STX6: variants seen among roughly 807,000 people sequenced by gnomAD.
STX6 encodes syntaxin-6.
In STX6, 23 loss-of-function variants were observed where a neutral mutation model predicts 38.0. The observed-to-expected ratio is 0.60, with a 90% confidence interval of 0.43 to 0.86. The LOEUF is 0.86. STX6 is among the 40% of genes least tolerant of loss of function. The probability of loss-of-function intolerance (pLI) is 0.00; values close to 1 mark genes in which losing one functional copy is unlikely to be tolerated. For synonymous variants in STX6, 123 were observed against 107.5 expected, an observed-to-expected ratio of 1.14 and a Z score of -0.89; for missense variants, 274 against 312.9, an observed-to-expected ratio of 0.88 and a Z score of 0.94.
chr1:181,000,834 A>T (rs1656058992), intron 3 of STX6, among the ~76,000 whole-genome samples: 1 of 150,760 alleles, frequency 6.6e-6, no homozygotes, highest in Admixed American at 6.7e-5. Context: ...CCACTTAAAT[A>T]TTAACGTCTA....
chr1:181,009,138 A>G (rs138089126), intron 1 of STX6, among the ~76,000 whole-genome samples: 2 of 152,122 alleles, frequency 1.3e-5, no homozygotes, highest in Non-Finnish European at 2.9e-5. Context: ...CAGAATATAT[A>G]TTTTTTTAAA....
chr1:181,012,552 G>A (rs1251096448), intron 1 of STX6, among the ~76,000 whole-genome samples: 1 of 152,008 alleles, frequency 6.6e-6, no homozygotes, highest in Non-Finnish European at 1.5e-5. Context: ...AGGACCACTT[G>A]CAATGCAGAA....
intron 7 of STX6, among the ~76,000 whole-genome samples, chr1:180,977,291 GC>G (rs1655283051): frequency 6.6e-6 from 1 of 152,180 alleles, no homozygotes; most frequent in Non-Finnish European, 1.5e-5. Flanking sequence ...GGAACAGCAG[GC>G]ACAGGAAACA....
intron 1 of STX6, among the ~76,000 whole-genome samples, chr1:181,013,470 T>TAC (rs1656467982): frequency 6.6e-6 from 1 of 152,132 alleles, no homozygotes; most frequent in South Asian, 2.1e-4. Context: ...AGGTGCACAC[T>TAC]ACCACGCCAA....
chr1:181,002,550 T>C, intron 3 of STX6, 56 bp downstream of exon 3: 1 of 1,280,954 alleles, frequency 7.8e-7, no homozygotes, highest in South Asian at 1.3e-5. Flanking sequence ...GGGAAAGAGC[T>C]CTAAGAAGTC....
chr1:181,019,629 G>T (rs1329936622), intron 1 of STX6, among the ~76,000 whole-genome samples: 4 of 152,184 alleles, frequency 2.6e-5, no homozygotes, highest in Non-Finnish European at 5.9e-5. Context: ...GATCAGTGAG[G>T]TCAGGAAGTG....
chr1:181,003,896 C>T (rs1486566659), intron 2 of STX6, among the ~76,000 whole-genome samples: 1 of 152,192 alleles, frequency 6.6e-6, no homozygotes, highest in Non-Finnish European at 1.5e-5. Context: ...TTACTAAATG[C>T]AGTTTCATGG....
At chr1:181,013,796 C>T (rs1045199702) in intron 1 of STX6, among the ~76,000 whole-genome samples, 1 of 152,208 alleles carries the variant, frequency 6.6e-6, no homozygotes, top group Non-Finnish European at 1.5e-5. Flanking sequence ...AAATATTAAA[C>T]AGGCTGGGGC....
chr1:181,020,164 G>A (rs1454497760), intron 1 of STX6, among the ~76,000 whole-genome samples: 3 of 152,024 alleles, frequency 2.0e-5, no homozygotes, highest in African/African-American at 7.2e-5. Flanking sequence ...GCAGTGAGCC[G>A]TGATTGCACC....
At chr1:180,988,104 CAG>C (rs1268140358) in intron 6 of STX6, 133 bp downstream of exon 6, 2 of 604,732 alleles carry the variant, frequency 3.3e-6, no homozygotes, top group African/African-American at 3.7e-5. Context: ...ATCTGTAAAA[CAG>C]AATAAAAATG....
chr1:180,989,243 G>A (rs537898981), intron 5 of STX6: 1 of 152,242 alleles, frequency 6.6e-6, no homozygotes, highest in East Asian at 1.9e-4. Context: ...TGTAATCCTA[G>A]TACTTTGGGA....
intron 3 of STX6, among the ~76,000 whole-genome samples, chr1:180,996,554 T>C (rs890308857): frequency 6.6e-6 from 1 of 152,186 alleles, no homozygotes; most frequent in African/African-American, 2.4e-5. Flanking sequence ...AAGGTCTTTT[T>C]GTAGGATACT....
In STX6 at chr1:180,993,431, G is replaced by A. The variant is rs762764141; in HGVS notation, c.301-6C>T. ...GACATCTGATCTTTCATGTCCTAAT[G>A]AGAAAGAAGATACGAAAACAAATGA... On this transcript the variant is annotated splice_region_variant and splice_polypyrimidine_tract_variant and intron_variant, in intron 3 of 7. Transcript: ENST00000258301. 2.6e-6 allele frequency: 4 copies of A among 1,565,486 alleles called. No individual in the cohort carries two copies. The highest frequency in any genetic ancestry group is 3.5e-6 in the Non-Finnish European group (4 of 1,141,486).
chr1:181,004,923 C>T (rs1006252469), intron 2 of STX6, among the ~76,000 whole-genome samples: 7 of 149,148 alleles, frequency 4.7e-5, no homozygotes, highest in Non-Finnish European at 8.9e-5. Flanking sequence ...ATCATACTGA[C>T]TTGAGTGTGA....
intron 2 of STX6, among the ~76,000 whole-genome samples, chr1:181,003,281 C>T (rs1297076489): frequency 6.6e-6 from 1 of 152,174 alleles, no homozygotes; most frequent in Non-Finnish European, 1.5e-5. Context: ...ATCTGTCCCC[C>T]ATCCCTATCC....
Position 180,976,322 on chromosome 1 carries a change from C to G in STX6, c.*248G>C, listed in dbSNP as rs1011308734. The G allele has an allele frequency of 8.2e-6, 4 of 488,964 alleles. No homozygotes were observed. The highest frequency in any genetic ancestry group is 1.5e-5 in the Non-Finnish European group (4 of 266,978). 30.3% of individuals were successfully genotyped at this position (488,964 alleles called of 1,614,324 possible). A position where few individuals can be genotyped will look rare whatever the true frequency, so the allele number is the denominator to read the frequency against. On this transcript the variant is annotated 3_prime_UTR_variant, in exon 8 of 8. Transcript: ENST00000258301. ...GCAGCTAGTTCTCCTCCGAACTGGA[C>G]AGGCGGCATGGGGCTTCTGTTGTCC...
intron 1 of STX6, among the ~76,000 whole-genome samples, chr1:181,007,270 A>G (rs1406632947): frequency 6.6e-6 from 1 of 152,174 alleles, no homozygotes; most frequent in Non-Finnish European, 1.5e-5. Flanking sequence ...TATAATACCT[A>G]ATGTAATTTA....
intron 1 of STX6, among the ~76,000 whole-genome samples, chr1:181,014,723 G>A (rs1263798902): frequency 6.6e-6 from 1 of 152,184 alleles, no homozygotes; most frequent in Non-Finnish European, 1.5e-5. Context: ...TCCAGAAAGA[G>A]AGGAACTCTT....
intron 1 of STX6, among the ~76,000 whole-genome samples, chr1:181,012,629 G>A (rs1460484173): frequency 6.7e-6 from 1 of 149,170 alleles, no homozygotes; most frequent in Non-Finnish European, 1.5e-5. Flanking sequence ...CATCTTTTGG[G>A]AAAAACAAAA....
Sources: gnomAD v4.1 joint callset for allele counts (sites outside exome capture counted in the v4.1 genomes callset) on GRCh38, gnomAD v4.1.1 for gene constraint, MANE v1.5 for transcripts, NCBI Gene and HGNC (gene_info 2026-07-23, HGNC 2026-07-21) for gene names.